Variants in C6orf62 observed in about 807,000 individuals in gnomAD.
C6orf62 encodes the protein chromosome 6 open reading frame 62.
A neutral mutation model predicts 26.8 loss-of-function variants in C6orf62; 16 were observed. The ratio of observed to expected loss-of-function variants is 0.60; its 90% confidence interval spans 0.40 to 0.91. C6orf62 has a LOEUF of 0.91. Ranked by LOEUF, C6orf62 falls within the 40% of genes least tolerant of loss-of-function variation. The probability of loss-of-function intolerance (pLI) is 0.00; values close to 1 mark genes in which losing one functional copy is unlikely to be tolerated. For synonymous variants in C6orf62, 112 were observed against 91.5 expected (o/e 1.22, Z -1.28); for missense variants, 192 against 271.4 (o/e 0.71, Z 2.06).
At chr6:24,719,788 G>T (rs1268443835), upstream of C6orf62, 2 of 1,546,926 alleles carry the variant, frequency 1.3e-6, no homozygotes, top group Non-Finnish European at 1.7e-6. Context: ...CCCAGGCGGT[G>T]CCCGGAGACC....
At chr6:24,719,192 C>G, upstream of C6orf62, 1 of 983,656 alleles carries the variant, frequency 1.0e-6, no homozygotes, top group Non-Finnish European at 1.2e-6. Flanking sequence ...AAAACCAAAA[C>G]CAAAACCAAA....
chr6:24,708,831 A>G lies in C6orf62; in HGVS notation c.510T>C (p.Val170=), dbSNP rs1355660622. The change falls in exon 4 of 5, where the codon GTT becomes GTC. Residue 170 remains valine, a synonymous_variant. Coordinates refer to ENST00000378119, the MANE Select transcript of C6orf62 (RefSeq NM_030939.5). Reference sequence around the variant, plus strand: ...ACACTGACTGGTTAGGATTGTTGACAACGATTCCAGTCTTGTCCTTGCGGC... The same window carrying G: ...ACACTGACTGGTTAGGATTGTTGACGACGATTCCAGTCTTGTCCTTGCGGC... ...VLSRKDKTGI[V]VNNPNQSVFL... 4 of 1,614,186 alleles carry G rather than the reference A, an allele frequency of 2.5e-6. No individual in the cohort carries two copies. The highest frequency in any genetic ancestry group is 1.1e-5 in the South Asian group (1 of 91,086).
chr6:24,719,726 T>C, upstream of C6orf62: 1 of 1,517,870 alleles, frequency 6.6e-7, no homozygotes, highest in Admixed American at 2.1e-5. Context: ...GAGTGCGATT[T>C]ATCTTCTTGT....
intron 1 of C6orf62, among the ~76,000 whole-genome samples, chr6:24,717,789 G>A (rs1285909254): frequency 6.6e-6 from 1 of 152,124 alleles, no homozygotes; most frequent in Non-Finnish European, 1.5e-5. Context: ...CTCATCTTTG[G>A]TCAAATAAGC....
chr6:24,718,591 T>A lies in C6orf62; in HGVS notation c.78A>T (p.Leu26=). Residue 26 remains leucine, a synonymous_variant, in exon 1 of 5, where the codon CTA becomes CTT. Coordinates refer to ENST00000378119, the MANE Select transcript of C6orf62 (RefSeq NM_030939.5). ...RAQLRKKKES[L]ADQFDFKMYI... is the part of the protein sequence containing the mutation. ...ACATCTTGAAGTCAAACTGGTCAGC[T>A]AGAGATTCTTTTTTCTTTCTAAGCT... The A allele has an allele frequency of 6.2e-7, 1 of 1,614,072 alleles. No individual in the cohort carries two copies. The highest frequency in any genetic ancestry group is 8.5e-7 in the Non-Finnish European group (1 of 1,179,972).
chr6:24,719,162 A>G (rs1779302215), upstream of C6orf62: 1 of 979,096 alleles, frequency 1.0e-6, no homozygotes, highest in Admixed American at 6.2e-5. Flanking sequence ...TTCCAAAAAA[A>G]AAAAAAAAAA....
Position 24,716,481 on chromosome 6 carries a change from C to T in C6orf62, c.130-157G>A, listed in dbSNP as rs1010183567. Among the ~76,000 whole-genome samples, 3 of 152,192 alleles carry T rather than the reference C, an allele frequency of 2.0e-5. No homozygotes were observed. The South Asian group carries it at 6.2e-4, about 31-fold the overall frequency. ...CACATTTTCAGATAGGTAATTCCTTCTGTTCTTCCCCTACCTCCCCCTCCA... is the reference window on the plus strand; with the variant it reads ...CACATTTTCAGATAGGTAATTCCTTTTGTTCTTCCCCTACCTCCCCCTCCA... On this transcript the variant is annotated intron_variant, in intron 1 of 4. Coordinates refer to ENST00000378119, the MANE Select transcript of C6orf62 (RefSeq NM_030939.5).
chr6:24,718,443 C>T (rs1779280981), intron 1 of C6orf62, 97 bp downstream of exon 1: 3 of 1,256,924 alleles, frequency 2.4e-6, no homozygotes, highest in Admixed American at 4.8e-5. Context: ...TTTTCAACCA[C>T]TCTTTAACCT....
At chr6:24,714,805 G>C (rs957993571) in intron 2 of C6orf62, among the ~76,000 whole-genome samples, 8 of 152,144 alleles carry the variant, frequency 5.3e-5, no homozygotes, top group African/African-American at 1.9e-4. Context: ...TTTTAATAGA[G>C]ACGGGGTTTC....
chr6:24,712,358 G>T (rs576012685), intron 3 of C6orf62, among the ~76,000 whole-genome samples: 54 of 151,700 alleles, frequency 3.6e-4, no homozygotes, highest in African/African-American at 1.3e-3. Flanking sequence ...CTCCAGCTTG[G>T]GCGACAGAGC....
upstream of C6orf62, chr6:24,720,259 G>T: frequency 7.7e-7 from 1 of 1,298,142 alleles, no homozygotes; most frequent in African/African-American, 1.5e-5. Context: ...CGCAGCCTGC[G>T]GGCGGAGCGG....
At chr6:24,718,414 A>G in intron 1 of C6orf62, 126 bp downstream of exon 1, 1 of 908,152 alleles carries the variant, frequency 1.1e-6, no homozygotes, top group Non-Finnish European at 1.6e-6. Flanking sequence ...GAAAAAACAG[A>G]GCATACAAAG....
upstream of C6orf62, chr6:24,720,450 G>A (rs964531834): frequency 1.9e-6 from 2 of 1,071,098 alleles, no homozygotes; most frequent in Admixed American, 5.1e-5. Flanking sequence ...AGTCTGGCTC[G>A]GCGCCCTGGG....
At chr6:24,710,105 A>G (rs971687148) in intron 3 of C6orf62, 3 of 984,392 alleles carry the variant, frequency 3.0e-6, no homozygotes, top group Admixed American at 6.2e-5. Flanking sequence ...GATCATAAGC[A>G]TATCAAAAGC....
intron 3 of C6orf62, among the ~76,000 whole-genome samples, chr6:24,710,917 G>A (rs893068884): frequency 4.6e-5 from 7 of 151,972 alleles, no homozygotes; most frequent in African/African-American, 1.5e-4. Context: ...ACTTGGGCCT[G>A]GGAGTTCAAG....
intron 1 of C6orf62, 127 bp downstream of exon 1, chr6:24,718,413 G>A (rs993689368): frequency 1.1e-6 from 1 of 904,404 alleles, no homozygotes; most frequent in Non-Finnish European, 1.6e-6. Context: ...TGAAAAAACA[G>A]AGCATACAAA....
At chr6:24,719,356 T>C (rs917791667), upstream of C6orf62, 66 of 1,004,112 alleles carry the variant, frequency 6.6e-5, no homozygotes, top group Non-Finnish European at 6.9e-5. Flanking sequence ...GTGGTGAGCA[T>C]AGAGAAAAGT....
rs1562168643 is a variant in C6orf62, at chr6:24,710,029, A to G, written c.430-1118T>C. The G allele has an allele frequency of 4.1e-6, 4 of 983,368 alleles. No individual in the cohort carries two copies. The African/African-American group carries it at 5.2e-5, about 13-fold the overall frequency. 60.9% of individuals were successfully genotyped at this position (983,368 alleles called of 1,614,324 possible). On this transcript the variant is annotated intron_variant, in intron 3 of 4. Transcript: ENST00000378119. Reference sequence around the variant, plus strand: ...ACATAAAATATGATACAGCATCACAATATACCATATGTAAAATGATACTGA... The same window carrying G: ...ACATAAAATATGATACAGCATCACAGTATACCATATGTAAAATGATACTGA...
At position 24,705,161 on chromosome 6, in the gene C6orf62, A is replaced by C. The variant is rs1030772755; in HGVS notation, c.*976T>G. The stretch of plus-strand genomic sequence containing the variant: ...TTTAGAACTTTGACACTCAATGGTT[A>C]ATTTTACAATTTAAGATTCCAACTT... On this transcript the variant is annotated 3_prime_UTR_variant, in exon 5 of 5. Transcript: ENST00000378119. 2 of 152,242 alleles carry C rather than the reference A, an allele frequency of 1.3e-5. No homozygotes were observed. The highest frequency in any genetic ancestry group is 6.6e-5 in the Admixed American group (1 of 15,240). 9.4% of individuals were successfully genotyped at this position (152,242 alleles called of 1,614,324 possible).
Sources: gnomAD v4.1 joint callset for allele counts (sites outside exome capture counted in the v4.1 genomes callset) on GRCh38, gnomAD v4.1.1 for gene constraint, MANE v1.5 for transcripts, NCBI Gene and HGNC (gene_info 2026-07-23, HGNC 2026-07-21) for gene names.